The following STK36 variants were observed in gnomAD, a reference collection of about 807,000 sequenced individuals.
STK36 encodes serine/threonine-protein kinase 36.
In STK36, 116 loss-of-function variants were observed where a neutral mutation model predicts 142.2. The ratio of observed to expected loss-of-function variants is 0.82; its 90% CI spans 0.70 to 0.95. The LOEUF (loss-of-function observed/expected upper bound fraction) is 0.95. STK36 is among the 40% of genes least tolerant of loss of function. The pLI is 0.00. For missense variants in STK36, 1,422 were observed against 1,617.2 expected (o/e 0.88, Z 2.07); for synonymous variants, 619 against 641.7 (o/e 0.96, Z 0.53).
intron 6 of STK36, among the ~76,000 whole-genome samples, chr2:218,678,858 C>T (rs985411435): frequency 2.6e-5 from 4 of 152,246 alleles, no homozygotes; most frequent in African/African-American, 9.6e-5. Flanking sequence ...AAGAAGGTGA[C>T]ATCTGTTTCT....
intron 26 of STK36, among the ~76,000 whole-genome samples, chr2:218,699,561 AT>A (rs1156765683): frequency 1.3e-5 from 2 of 152,278 alleles, no homozygotes; most frequent in Admixed American, 1.3e-4. Flanking sequence ...GGGCTGGGAA[AT>A]GTCTGAGATC....
chr2:218,691,208 C>T (rs945872996), intron 14 of STK36, among the ~76,000 whole-genome samples: 1 of 152,094 alleles, frequency 6.6e-6, no homozygotes, highest in African/African-American at 2.4e-5. Context: ...TCTGACTAAC[C>T]TCAGAGGAGA....
At chr2:218,673,489 C>T (rs1179452961) in intron 2 of STK36, 136 bp from the exon 3 acceptor site, 6 of 1,230,658 alleles carry the variant, frequency 4.9e-6, no homozygotes, top group Non-Finnish European at 6.6e-6. Flanking sequence ...AAAATGGAAG[C>T]GGGAGACTAA....
chr2:218,700,989 G>C (rs1430850811), intron 26 of STK36, among the ~76,000 whole-genome samples: 2 of 149,222 alleles, frequency 1.3e-5, no homozygotes, highest in Non-Finnish European at 3.0e-5. Flanking sequence ...TCCAGCCTGG[G>C]TGACATAGCG....
intron 11 of STK36, among the ~76,000 whole-genome samples, chr2:218,686,545 A>C (rs1178958773): frequency 2.0e-5 from 3 of 152,230 alleles, no homozygotes; most frequent in Admixed American, 1.3e-4. Flanking sequence ...CTAGGATTAT[A>C]GGTATGAGCT....
chr2:218,688,293 ATGTTG>A (rs1940855432), intron 11 of STK36: 1 of 452,782 alleles, frequency 2.2e-6, no homozygotes, highest in South Asian at 1.6e-5. Context: ...GAGTTGAATA[ATGTTG>A]TTTTGTCTTT....
chr2:218,673,688 C>T lies in STK36; in HGVS notation c.148C>T (p.Arg50Ter), dbSNP rs1337379321. 6.2e-6 allele frequency: 10 copies of T among 1,614,156 alleles called. No homozygotes were observed. The highest frequency in any genetic ancestry group is 1.6e-4 in the Middle Eastern group (1 of 6,062). ...RSEKELRNLQ[R>*]EIEIMRGLRH... is the part of the protein sequence containing the mutation. The stretch of plus-strand genomic sequence containing the variant: ...AGAGAAGGAGCTGAGGAATTTGCAA[C>T]GAGAGATTGAAATAATGCGGGGTCT... Residue 50 changes from arginine to a stop codon, truncating the protein, a stop_gained, in exon 3 of 27, where the codon CGA becomes TGA. Transcript: ENST00000295709. LOFTEE classifies it high-confidence loss of function.
Position 218,693,707 on chromosome 2 carries a change from C to T in STK36, c.2149-16C>T, listed in dbSNP as rs375258725. 2.5e-6 allele frequency: 4 copies of T among 1,611,902 alleles called. No homozygotes were observed. The highest frequency in any genetic ancestry group is 2.7e-5 in the African/African-American group (2 of 74,876). On this transcript the variant is annotated splice_polypyrimidine_tract_variant and intron_variant, in intron 17 of 26. Transcript: ENST00000295709. ...CCTGCCCTGCCTCACTGCCAGACTC[C>T]TTCCTTCTCCCTCAGGTTCTATACT... is the stretch of plus-strand genomic sequence containing the variant.
intron 23 of STK36, 37 bp from the exon 24 acceptor site, chr2:218,697,426 G>A: frequency 6.2e-7 from 1 of 1,610,290 alleles, no homozygotes. Context: ...TGGGCGTCTT[G>A]CCTGTTCCAT....
chr2:218,684,960 C>T, intron 10 of STK36, 125 bp from the exon 11 acceptor site: 5 of 1,197,696 alleles, frequency 4.2e-6, no homozygotes, highest in Non-Finnish European at 5.8e-6. Flanking sequence ...AGATATACAT[C>T]TGTGCTAAAG....
intron 7 of STK36, 85 bp downstream of exon 7, chr2:218,679,346 T>G (rs550204855): frequency 1.9e-4 from 272 of 1,402,588 alleles, no homozygotes; most frequent in Admixed American, 1.0e-3. Flanking sequence ...ACCATCTAGA[T>G]ATAACATGTC....
In STK36 at chr2:218,688,986, C is replaced by T. The variant is rs185540445; in HGVS notation, c.1560+110C>T. The stretch of plus-strand genomic sequence containing the variant: ...GTCTGACTGCCTTTTATTTTCTTTC[C>T]TCCTCTTTCTAGTTAGTAGACTATT... On this transcript the variant is annotated intron_variant, in intron 12 of 26. Coordinates refer to ENST00000295709, the MANE Select transcript of STK36 (RefSeq NM_015690.5). The T allele has an allele frequency of 8.8e-6, 10 of 1,135,486 alleles. No homozygotes were observed. In the East Asian group the frequency reaches 2.4e-4, roughly 28 times the overall value. The allele number at this position is 1,135,486 out of a possible 1,614,324, so 70.3% of individuals were successfully genotyped here. A position where few individuals can be genotyped will look rare whatever the true frequency, so the allele number is the denominator to read the frequency against.
intron 25 of STK36, 148 bp from the exon 26 acceptor site, chr2:218,698,454 C>A: frequency 1.1e-6 from 1 of 943,408 alleles, no homozygotes; most frequent in Non-Finnish European, 1.6e-6. Flanking sequence ...CACGTTGTGT[C>A]TCATGTGGAG....
intron 11 of STK36, among the ~76,000 whole-genome samples, chr2:218,685,915 C>T (rs1017035888): frequency 2.0e-5 from 3 of 151,980 alleles, no homozygotes; most frequent in African/African-American, 7.2e-5. Flanking sequence ...ATTTTCATCA[C>T]CCCAGTAAAA....
intron 10 of STK36, among the ~76,000 whole-genome samples, chr2:218,684,046 AC>A (rs1311686914): frequency 7.3e-6 from 1 of 136,470 alleles, no homozygotes; most frequent in Non-Finnish European, 1.5e-5. Flanking sequence ...CAGTCCTCCT[AC>A]CTCGACCTCC....
At chr2:218,701,406 C>T (rs777324688) in intron 26 of STK36, among the ~76,000 whole-genome samples, 12 of 151,766 alleles carry the variant, frequency 7.9e-5, no homozygotes, top group Non-Finnish European at 7.4e-5. Flanking sequence ...TCCCAAAGTA[C>T]GGGATTACAG....
intron 12 of STK36, 137 bp downstream of exon 12, chr2:218,689,013 A>G: frequency 1.1e-6 from 1 of 910,000 alleles, no homozygotes; most frequent in Non-Finnish European, 1.6e-6. Flanking sequence ...TAGACTATTA[A>G]TTGCAAACTC....
rs1469416283 is a variant in STK36 at position 218,694,819 on chromosome 2, T to G, written c.2511+184T>G. On this transcript the variant is annotated intron_variant, in intron 21 of 26. Coordinates refer to ENST00000295709, the MANE Select transcript of STK36 (RefSeq NM_015690.5). This position sits in a 1 kb window ranked among gnomAD's most constrained non-coding sequence, Gnocchi z 4.4. ...ATAGGCCCCTCTGAGCCCAGATTGA[T>G]CTGGACTTTAGATTTCTTTTTAATA... Among the ~76,000 whole-genome samples, 2 of 152,176 alleles carry G rather than the reference T, an allele frequency of 1.3e-5. No individual in the cohort carries two copies. The highest frequency in any genetic ancestry group is 2.4e-5 in the African/African-American group (1 of 41,434).
chr2:218,681,388 A>G (rs1056706195), intron 10 of STK36, among the ~76,000 whole-genome samples: 2 of 152,178 alleles, frequency 1.3e-5, no homozygotes, highest in Non-Finnish European at 2.9e-5. Context: ...CAGCCTCCCA[A>G]AGTGCTGGGA....
Sources: gnomAD v4.1 joint callset for allele counts (sites outside exome capture counted in the v4.1 genomes callset) on GRCh38, gnomAD v4.1.1 for gene constraint, Gnocchi (gnomAD v3.1) non-coding constraint, MANE v1.5 for transcripts, NCBI Gene and HGNC (gene_info 2026-07-23, HGNC 2026-07-21) for gene names.